The following LRRFIP1 variants were observed in gnomAD, a reference collection of about 807,000 sequenced individuals.
LRRFIP1 encodes the protein leucine-rich repeat flightless-interacting protein 1.
In LRRFIP1, 62 loss-of-function variants were observed where a neutral mutation model predicts 104.4. That is an observed-to-expected ratio of 0.59 (90% CI 0.48 to 0.73). The LOEUF (loss-of-function observed/expected upper bound fraction) is 0.73. Among genes scored for constraint, LRRFIP1 ranks in the 30% least tolerant of loss-of-function variants. The pLI is 0.00. For missense variants in LRRFIP1, 796 were observed against 824.5 expected (o/e 0.97, Z 0.42); for synonymous variants, 300 against 299.0 (o/e 1.00, Z -0.03).
At chr2:237,771,787 A>G (rs1207652443) in intron 20 of LRRFIP1, among the ~76,000 whole-genome samples, 3 of 152,142 alleles carry the variant, frequency 2.0e-5, no homozygotes, top group African/African-American at 7.2e-5. Flanking sequence ...AATAAAGAGA[A>G]AGTGAATAGC....
chr2:237,752,926 C>T (rs1006013345), intron 14 of LRRFIP1, among the ~76,000 whole-genome samples: 4 of 152,208 alleles, frequency 2.6e-5, no homozygotes, highest in African/African-American at 9.7e-5. Flanking sequence ...TCACACGCCT[C>T]GAGTGATTCT....
Position 237,668,392 on chromosome 2 carries a change from C to T in LRRFIP1, c.97-40152C>T, listed in dbSNP as rs201369231. ...TCATCATGGCCCCCTGAAATAAAGT[C>T]TGCCTTACCATCTTCACAAAAGGAG... On this transcript the variant is annotated intron_variant, in intron 1 of 23. Coordinates refer to ENST00000308482, the MANE Select transcript of LRRFIP1 (RefSeq NM_001137550.2). 2.6e-5 allele frequency among the ~76,000 whole-genome samples: 4 copies of T among 152,324 alleles called. No individual in the cohort carries two copies. The East Asian group carries it at 7.7e-4, about 29-fold the overall frequency.
intron 1 of LRRFIP1, among the ~76,000 whole-genome samples, chr2:237,643,824 A>G (rs2084429748): frequency 6.6e-6 from 1 of 152,252 alleles, no homozygotes; most frequent in African/African-American, 2.4e-5. Context: ...AACTAGAACA[A>G]GATTTGAAAA....
intron 2 of LRRFIP1, among the ~76,000 whole-genome samples, chr2:237,709,110 C>T (rs3769095): frequency 0.22 from 32,932 of 152,024 alleles, 3,723 homozygotes; most frequent in East Asian, 0.3. Flanking sequence ...GATAGAGAGA[C>T]GGGAATGAAC....
In LRRFIP1 at chr2:237,756,116, G is replaced by T. The variant is rs946752164; in HGVS notation, c.1060G>T (p.Ala354Ser). ...ACAGGAATTTGAAAGGGAAAAACAC[G>T]CCCACAGTATACTGCAATTTCAGTT... ...KNKEFEREKHAHSILQFQFAE... is the reference protein window; with the variant it reads ...KNKEFEREKHSHSILQFQFAE... Residue 354 changes from alanine (A) to serine (S), a missense_variant, in exon 16 of 24, where the codon GCC becomes TCC. Transcript: ENST00000308482. 3.1e-6 allele frequency: 5 copies of T among 1,613,586 alleles called. No homozygotes were observed. Among genetic ancestry groups the T allele is most frequent in the East Asian group, 2.2e-5 (1 of 44,824 alleles).
chr2:237,654,515 G>A (rs1327594687), intron 1 of LRRFIP1, among the ~76,000 whole-genome samples: 2 of 151,792 alleles, frequency 1.3e-5, no homozygotes, highest in South Asian at 2.1e-4. Flanking sequence ...TTCTGGGTAT[G>A]TCTCCAAAGG....
chr2:237,725,586 G>A (rs1438312606), intron 7 of LRRFIP1, among the ~76,000 whole-genome samples: 3 of 152,172 alleles, frequency 2.0e-5, no homozygotes, highest in Non-Finnish European at 4.4e-5. Context: ...TCCCTATGGA[G>A]GTATAGTCAA....
intron 8 of LRRFIP1, 124 bp from the exon 9 acceptor site, chr2:237,733,650 C>A: frequency 1.1e-6 from 1 of 898,948 alleles, no homozygotes; most frequent in Non-Finnish European, 1.8e-6. Context: ...CGGTTTGTTT[C>A]TGTTTAACCA....
chr2:237,759,675 C>T (rs1169441563), intron 18 of LRRFIP1, among the ~76,000 whole-genome samples: 1 of 152,092 alleles, frequency 6.6e-6, no homozygotes, highest in Non-Finnish European at 1.5e-5. Flanking sequence ...ATATTTCTTT[C>T]TTTATCTGGT....
chr2:237,779,379 G>T, intron 23 of LRRFIP1, 43 bp from the exon 24 acceptor site: 1 of 1,601,594 alleles, frequency 6.2e-7, no homozygotes, highest in Non-Finnish European at 8.5e-7. Flanking sequence ...ATGTTTGGAG[G>T]AAACAAGTTC....
chr2:237,627,682 T>G lies in LRRFIP1; in HGVS notation c.38T>G (p.Leu13Arg), dbSNP rs2081740304. The G allele has an allele frequency of 7.3e-7, 1 of 1,368,846 alleles. No individual in the cohort carries two copies. The highest frequency in any genetic ancestry group is 3.4e-5 in the East Asian group (1 of 29,610). The allele number at this position is 1,368,846 out of a possible 1,614,324, so 84.8% of individuals were successfully genotyped here. Reference sequence around the variant, plus strand: ...ACCCAGGGATCGGGGCGCAAGCGGCTCCCCAACCGGGAGCGGCTCACGGCG... The same window carrying G: ...ACCCAGGGATCGGGGCGCAAGCGGCGCCCCAACCGGGAGCGGCTCACGGCG... Reference protein sequence around the residue: ...MGTQGSGRKRLPNRERLTAED... With the variant: ...MGTQGSGRKRRPNRERLTAED... Residue 13 changes from leucine to arginine, a missense_variant, in exon 1 of 24, where the codon CTC becomes CGC. Physicochemically the swap from Leu to Arg is moderately radical, Grantham distance 102. Transcript: ENST00000308482.
intron 11 of LRRFIP1, among the ~76,000 whole-genome samples, chr2:237,746,847 G>A (rs1307059564): frequency 6.6e-6 from 1 of 152,222 alleles, no homozygotes; most frequent in Non-Finnish European, 1.5e-5. Flanking sequence ...CTTAGCAGCT[G>A]TGGCTAAGTG....
chr2:237,633,765 C>T (rs1293887188), intron 1 of LRRFIP1, among the ~76,000 whole-genome samples: 1 of 152,182 alleles, frequency 6.6e-6, no homozygotes, highest in African/African-American at 2.4e-5. Context: ...GCTGAGGCCA[C>T]CTATTAATTA....
At chr2:237,687,976 G>A (rs1000695462) in intron 1 of LRRFIP1, among the ~76,000 whole-genome samples, 4 of 152,214 alleles carry the variant, frequency 2.6e-5, no homozygotes, top group African/African-American at 9.6e-5. Context: ...TTGGCTAACT[G>A]TTCTGGCATT....
intron 1 of LRRFIP1, among the ~76,000 whole-genome samples, chr2:237,693,739 C>T (rs2092972764): frequency 6.6e-6 from 1 of 152,110 alleles, no homozygotes; most frequent in Non-Finnish European, 1.5e-5. Flanking sequence ...TGAAGAGCTG[C>T]CTGCTGGACT....
At chr2:237,704,544 A>G (rs1331922701) in intron 1 of LRRFIP1, among the ~76,000 whole-genome samples, 1 of 152,206 alleles carries the variant, frequency 6.6e-6, no homozygotes, top group Admixed American at 6.5e-5. Context: ...GAAGATGGTC[A>G]TGCATAGGTT....
Position 237,735,196 on chromosome 2 carries a change from C to A in LRRFIP1, c.490-72C>A. 20 of 1,325,770 alleles carry A rather than the reference C, an allele frequency of 1.5e-5. No homozygotes were observed. The highest frequency in any genetic ancestry group is 1.8e-5 in the Non-Finnish European group (17 of 942,566). The allele number at this position is 1,325,770 out of a possible 1,614,324, so 82.1% of individuals were successfully genotyped here. ...GCACGTGTCAGTTTTTCACAGCTCA[C>A]GTTTTCAGCACTTTCTGGGCACTCT... On this transcript the variant is annotated intron_variant, in intron 9 of 23. Transcript: ENST00000308482. The surrounding 1 kb of genome is among the most constrained non-coding windows in gnomAD (Gnocchi z 4.6).
intron 1 of LRRFIP1, among the ~76,000 whole-genome samples, chr2:237,701,409 C>T (rs972523768): frequency 5.3e-5 from 8 of 152,236 alleles, no homozygotes; most frequent in African/African-American, 1.9e-4. Context: ...TGAGGCCATG[C>T]GAGGATGGAA....
intron 11 of LRRFIP1, among the ~76,000 whole-genome samples, chr2:237,746,874 C>T (rs3754716): frequency 0.061 from 9,288 of 152,266 alleles, 420 homozygotes; most frequent in East Asian, 0.14. Context: ...GGGACCACCC[C>T]ACCACCACCC....
Sources: gnomAD v4.1 joint callset for allele counts (sites outside exome capture counted in the v4.1 genomes callset) on GRCh38, gnomAD v4.1.1 for gene constraint, Gnocchi (gnomAD v3.1) non-coding constraint, MANE v1.5 for transcripts, NCBI Gene and HGNC (gene_info 2026-07-23, HGNC 2026-07-21) for gene names.